PCSK5: variants seen among roughly 807,000 people sequenced by gnomAD.
PCSK5 encodes proprotein convertase subtilisin/kexin type 5, also known as prohormone convertase 5.
PCSK5 carries 129 observed loss-of-function variants against 233.2 expected under a neutral mutation model. The ratio of observed to expected loss-of-function variants is 0.55; its 90% CI spans 0.48 to 0.64. The LOEUF (loss-of-function observed/expected upper bound fraction) is 0.64. PCSK5 is among the 30% of genes least tolerant of loss of function. The pLI, the probability that PCSK5 is intolerant of heterozygous loss-of-function variation, is 0.00. For missense variants in PCSK5, 2,076 were observed against 2,430.1 expected (o/e 0.85, Z 3.06); for synonymous variants, 825 against 879.2 (o/e 0.94, Z 1.09).
chr9:75,940,458 G>A (rs184022482), intron 2 of PCSK5, among the ~76,000 whole-genome samples: 1 of 152,322 alleles, frequency 6.6e-6, no homozygotes, highest in Non-Finnish European at 1.5e-5. Context: ...TGTGCAATGA[G>A]GAAAGGGCAT....
intron 3 of PCSK5, among the ~76,000 whole-genome samples, chr9:76,004,926 C>T (rs1214138136): frequency 1.3e-5 from 2 of 152,150 alleles, no homozygotes; most frequent in African/African-American, 2.4e-5. Flanking sequence ...ATCAAGATAT[C>T]GGTGAGAAGG....
intron 25 of PCSK5, among the ~76,000 whole-genome samples, chr9:76,294,424 T>C (rs768244323): frequency 1.3e-5 from 2 of 152,172 alleles, no homozygotes; most frequent in Non-Finnish European, 2.9e-5. Flanking sequence ...TTCGCTACTA[T>C]TGTTAATAAT....
In PCSK5 at chr9:76,310,775, C is replaced by G; in HGVS notation, c.3808C>G (p.Leu1270Val). 1 of 1,612,190 alleles carries G rather than the reference C, an allele frequency of 6.2e-7. No individual in the cohort carries two copies. Among genetic ancestry groups the G allele is most frequent in the South Asian group, 1.1e-5 (1 of 90,894 alleles). The change falls in exon 30 of 38, where the codon CTT (leucine) becomes GTT (valine). Residue 1270 changes from leucine to valine, a missense_variant. By Grantham distance (32) the Leu-to-Val change is conservative. This residue lies in a region of PCSK5 where 1,510 missense variants were observed against 1,538.1 expected (regional missense o/e 0.98). Coordinates refer to ENST00000674117, the MANE Select transcript of PCSK5 (RefSeq NM_001372043.1). ...EACAICSGADLCKKCQMQPGH... is the reference protein window; with the variant it reads ...EACAICSGADVCKKCQMQPGH... ...CTGTGCCATCTGCTCTGGAGCCGAT[C>G]TTTGCAAAAAATGCCAGATGCAGCC...
At chr9:75,942,059 G>A (rs1226797697) in intron 2 of PCSK5, among the ~76,000 whole-genome samples, 1 of 152,224 alleles carries the variant, frequency 6.6e-6, no homozygotes, top group Non-Finnish European at 1.5e-5. Flanking sequence ...GCCTTGAGTG[G>A]TAGTGCAGGT....
intron 7 of PCSK5, among the ~76,000 whole-genome samples, chr9:76,082,655 C>A (rs1830890056): frequency 6.6e-6 from 1 of 151,608 alleles, no homozygotes; most frequent in East Asian, 1.9e-4. Flanking sequence ...GCAGAGTAAA[C>A]AGCCCACAAT....
chr9:76,130,205 A>T (rs1223458760), intron 9 of PCSK5, among the ~76,000 whole-genome samples: 1 of 152,192 alleles, frequency 6.6e-6, no homozygotes, highest in Non-Finnish European at 1.5e-5. Context: ...AAGACTCAGG[A>T]ATCCTCTGAA....
At chr9:76,218,924 A>G (rs996064905) in intron 20 of PCSK5, among the ~76,000 whole-genome samples, 3 of 152,298 alleles carry the variant, frequency 2.0e-5, no homozygotes, top group Non-Finnish European at 4.4e-5. Context: ...CCAATAAATC[A>G]TTGGGCAGCC....
chr9:76,153,050 A>T (rs1823738695), intron 10 of PCSK5, among the ~76,000 whole-genome samples: 1 of 152,166 alleles, frequency 6.6e-6, no homozygotes, highest in Admixed American at 6.5e-5. Context: ...GCAAGATGAA[A>T]CGGCTTTCCT....
At chr9:76,237,667 T>G (rs1050526110) in intron 22 of PCSK5, among the ~76,000 whole-genome samples, 1 of 151,590 alleles carries the variant, frequency 6.6e-6, no homozygotes, top group Non-Finnish European at 1.5e-5. Context: ...TTCTAGCTAC[T>G]TGAAAGGCTG....
chr9:76,145,923 A>G lies in PCSK5; in HGVS notation c.1313-11122A>G, dbSNP rs571930426. Among the ~76,000 whole-genome samples, 18 of 152,326 alleles carry G rather than the reference A, an allele frequency of 1.2e-4. No homozygotes were observed. The South Asian group carries it at 3.1e-3, about 26-fold the overall frequency. ...TGAAAATTAATCCTTCCCTGGTTCT[A>G]TGCATGACTTCCAAGGCCAGTGCAC... On this transcript the variant is annotated intron_variant, in intron 10 of 37. Transcript: ENST00000674117.
chr9:75,964,592 C>T (rs778614616), intron 2 of PCSK5, among the ~76,000 whole-genome samples: 1 of 152,168 alleles, frequency 6.6e-6, no homozygotes, highest in Non-Finnish European at 1.5e-5. Context: ...TGCTTTGCAC[C>T]TGGGATGTTT....
chr9:76,000,620 A>G (rs1328598935), intron 3 of PCSK5, among the ~76,000 whole-genome samples: 1 of 152,250 alleles, frequency 6.6e-6, no homozygotes, highest in Non-Finnish European at 1.5e-5. Flanking sequence ...CATTTTATTT[A>G]TCAGGGGCTA....
intron 24 of PCSK5, among the ~76,000 whole-genome samples, chr9:76,291,168 T>C (rs749715857): frequency 3.2e-4 from 49 of 152,192 alleles, no homozygotes; most frequent in Non-Finnish European, 5.9e-4. Context: ...GTATTATGTG[T>C]AGTACACAGG....
At chr9:76,210,685 T>A (rs1406865482) in intron 20 of PCSK5, among the ~76,000 whole-genome samples, 1 of 152,142 alleles carries the variant, frequency 6.6e-6, no homozygotes, top group Non-Finnish European at 1.5e-5. Flanking sequence ...CTGATAAGGT[T>A]TGAATTTCAG....
chr9:76,353,991 T>A, intron 36 of PCSK5, 42 bp from the exon 37 acceptor site: 4 of 1,452,784 alleles, frequency 2.8e-6, no homozygotes, highest in Non-Finnish European at 3.8e-6. Context: ...GCCTTGTTAA[T>A]CCCTTTACAC....
At chr9:76,169,674 C>T (rs201291909) in intron 12 of PCSK5, 30 bp from the exon 13 acceptor site, 27 of 1,605,308 alleles carry the variant, frequency 1.7e-5, no homozygotes, top group Admixed American at 6.7e-5. Flanking sequence ...TTTGAAATAT[C>T]GCACATAACA....
Position 75,891,069 on chromosome 9 carries a change from C to G in PCSK5, c.-113C>G. On this transcript the variant is annotated 5_prime_UTR_variant, in exon 1 of 38. Transcript: ENST00000674117. ...CCTGCCGATCGCCCGGGGCTGCGAG[C>G]TGCGGCGGCCCGGGGCTGCTCGCCG... 1 of 1,004,996 alleles carries G rather than the reference C, an allele frequency of 1.0e-6. No individual in the cohort carries two copies. The highest frequency in any genetic ancestry group is 1.3e-6 in the Non-Finnish European group (1 of 753,022). 62.3% of individuals were successfully genotyped at this position (1,004,996 alleles called of 1,614,324 possible). A position where few individuals can be genotyped will look rare whatever the true frequency, so the allele number is the denominator to read the frequency against.
At chr9:76,181,163 G>T (rs1157809014) in intron 15 of PCSK5, among the ~76,000 whole-genome samples, 1 of 152,178 alleles carries the variant, frequency 6.6e-6, no homozygotes, top group Non-Finnish European at 1.5e-5. Flanking sequence ...TGCAAACCAG[G>T]AAATGGTTTG....
intron 17 of PCSK5, among the ~76,000 whole-genome samples, chr9:76,187,167 A>G (rs1824143105): frequency 6.6e-6 from 1 of 152,188 alleles, no homozygotes; most frequent in Non-Finnish European, 1.5e-5. Context: ...AATTTTTTAA[A>G]TTAGCATTAT....
Sources: allele counts gnomAD v4.1 joint callset (sites outside exome capture counted in the v4.1 genomes callset), GRCh38; gene constraint gnomAD v4.1.1; regional missense constraint gnomAD v4.1.1; transcripts MANE v1.5; gene names NCBI Gene and HGNC (gene_info 2026-07-23, HGNC 2026-07-21).